Variants in ADGRL2 observed in about 807,000 individuals in gnomAD.
The protein encoded by ADGRL2 is adhesion G protein-coupled receptor L2.
ADGRL2 carries 44 observed loss-of-function variants against 157.4 expected under a neutral mutation model. The observed-to-expected ratio is 0.28, with a 90% CI of 0.22 to 0.36. The LOEUF is 0.36. Among genes scored for constraint, ADGRL2 ranks in the 10% least tolerant of loss-of-function variants. The probability of loss-of-function intolerance (pLI) is 1.00; values close to 1 mark genes in which losing one functional copy is unlikely to be tolerated. For missense variants in ADGRL2, 1,510 were observed against 1,768.9 expected, an observed-to-expected ratio of 0.85 and a Z score of 2.63; for synonymous variants, 585 against 624.7, an observed-to-expected ratio of 0.94 and a Z score of 0.95.
chr1:81,474,343 C>G (rs1456942012), intron 2 of ADGRL2, among the ~76,000 whole-genome samples: 1 of 152,070 alleles, frequency 6.6e-6, no homozygotes, highest in Non-Finnish European at 1.5e-5. Context: ...GTTTTGTTTC[C>G]ACTTCATACT....
At chr1:81,401,455 TC>T (rs2076754408) in intron 1 of ADGRL2, among the ~76,000 whole-genome samples, 1 of 152,130 alleles carries the variant, frequency 6.6e-6, no homozygotes, top group South Asian at 2.1e-4. Context: ...GCCAGGTACT[TC>T]CTTCTGTTCT....
chr1:81,967,444 G>A (rs1028405577), intron 13 of ADGRL2, among the ~76,000 whole-genome samples: 1 of 151,972 alleles, frequency 6.6e-6, no homozygotes. Context: ...TGTATTTTTA[G>A]TAGAGACGGG....
chr1:81,794,183 C>A (rs2087479041), intron 2 of ADGRL2, among the ~76,000 whole-genome samples: 1 of 152,076 alleles, frequency 6.6e-6, no homozygotes, highest in African/African-American at 2.4e-5. Flanking sequence ...GCTGTGGATT[C>A]TACATTGTTT....
chr1:81,973,139 A>C (rs899606836), intron 17 of ADGRL2, among the ~76,000 whole-genome samples: 1 of 152,192 alleles, frequency 6.6e-6, no homozygotes, highest in Non-Finnish European at 1.5e-5. Context: ...CTTCAAGTGT[A>C]TATTTGTTTG....
At chr1:81,367,556 C>CTTTCTT (rs1287558247) in intron 1 of ADGRL2, among the ~76,000 whole-genome samples, 1 of 152,068 alleles carries the variant, frequency 6.6e-6, no homozygotes, top group Non-Finnish European at 1.5e-5. Flanking sequence ...GACCTTGTTT[C>CTTTCTT]TTTCTTTTTT....
At chr1:81,989,995 T>C in intron 23 of ADGRL2, 1 of 984,538 alleles carries the variant, frequency 1.0e-6, no homozygotes, top group African/African-American at 1.7e-5. Context: ...CTGTTAATTT[T>C]ATTTTTATAA....
chr1:81,793,512 G>A (rs558125494), intron 2 of ADGRL2, among the ~76,000 whole-genome samples: 8 of 152,050 alleles, frequency 5.3e-5, no homozygotes, highest in African/African-American at 9.7e-5. Context: ...TAACTTCAGA[G>A]TATTTAAACA....
chr1:81,834,589 C>A (rs981677652), intron 1 of ADGRL2, among the ~76,000 whole-genome samples: 5 of 151,994 alleles, frequency 3.3e-5, no homozygotes, highest in African/African-American at 9.7e-5. Flanking sequence ...GCAGTAAAAT[C>A]TTTTGATTTA....
chr1:81,341,258 A>G (rs1352199765), intron 1 of ADGRL2, among the ~76,000 whole-genome samples: 1 of 152,164 alleles, frequency 6.6e-6, no homozygotes, highest in Non-Finnish European at 1.5e-5. Context: ...ATTAGAAGTA[A>G]AAATATATTT....
intron 1 of ADGRL2, among the ~76,000 whole-genome samples, chr1:81,359,641 C>T (rs918152043): frequency 3.9e-5 from 6 of 151,948 alleles, no homozygotes; most frequent in Admixed American, 6.6e-5. Flanking sequence ...GATCTTGCCC[C>T]TAAGCTCCAG....
At chr1:81,949,467 G>A (rs78294369) in intron 6 of ADGRL2, among the ~76,000 whole-genome samples, 1 of 152,200 alleles carries the variant, frequency 6.6e-6, no homozygotes, top group African/African-American at 2.4e-5. Flanking sequence ...GATATGAAGG[G>A]TTGGTTTGAA....
intron 11 of ADGRL2, among the ~76,000 whole-genome samples, chr1:81,962,464 G>A (rs1263282857): frequency 6.6e-6 from 1 of 151,982 alleles, no homozygotes; most frequent in Admixed American, 6.6e-5. Context: ...TTTTTAAAAG[G>A]AATCTGTTGT....
chr1:81,561,171 T>C (rs751540558), intron 2 of ADGRL2, among the ~76,000 whole-genome samples: 2 of 152,032 alleles, frequency 1.3e-5, no homozygotes, highest in African/African-American at 2.4e-5. Flanking sequence ...TCTACTTGGC[T>C]CATTTCACCT....
chr1:81,798,270 C>G (rs1458510833), upstream of ADGRL2, among the ~76,000 whole-genome samples: 4 of 151,842 alleles, frequency 2.6e-5, no homozygotes, highest in African/African-American at 9.7e-5. Context: ...TTTAAGTGTT[C>G]CTTTGTAATG....
intron 3 of ADGRL2, among the ~76,000 whole-genome samples, chr1:81,625,940 C>T (rs1439359543): frequency 1.3e-5 from 2 of 152,148 alleles, no homozygotes; most frequent in African/African-American, 2.4e-5. Flanking sequence ...AAAAAGCTGT[C>T]AGAGAGGAAT....
intron 17 of ADGRL2, among the ~76,000 whole-genome samples, chr1:81,973,734 T>G (rs1659417198): frequency 6.6e-6 from 1 of 152,180 alleles, no homozygotes; most frequent in Non-Finnish European, 1.5e-5. Flanking sequence ...GTGAATGGCT[T>G]TTTCAACAGC....
chr1:81,978,846 G>A (rs1660867381), intron 17 of ADGRL2, among the ~76,000 whole-genome samples: 1 of 151,612 alleles, frequency 6.6e-6, no homozygotes, highest in Admixed American at 6.6e-5. Flanking sequence ...CCTATAATAG[G>A]TGAAATGGGT....
At chr1:81,329,413 T>C (rs1661124214) in intron 1 of ADGRL2, among the ~76,000 whole-genome samples, 1 of 152,120 alleles carries the variant, frequency 6.6e-6, no homozygotes, top group Non-Finnish European at 1.5e-5. Context: ...GGAAAGCTGC[T>C]ACACAGGAAG....
At chr1:81,988,110 C>T (rs772354177) in intron 23 of ADGRL2, among the ~76,000 whole-genome samples, 8 of 152,068 alleles carry the variant, frequency 5.3e-5, no homozygotes, top group Non-Finnish European at 7.4e-5. Flanking sequence ...CTTAAGTATA[C>T]GCAATGCTGA....
Sources: allele counts gnomAD v4.1 joint callset (sites outside exome capture counted in the v4.1 genomes callset), GRCh38; gene constraint gnomAD v4.1.1; transcripts MANE v1.5; gene names NCBI Gene and HGNC (gene_info 2026-07-23, HGNC 2026-07-21).